Variants in MGAT4C observed in about 807,000 individuals in gnomAD.
The protein encoded by MGAT4C is MGAT4 family member C.
Under a neutral mutation model 40.1 loss-of-function variants are expected in MGAT4C, and 19 were observed. That is an observed-to-expected ratio of 0.47 (90% CI 0.33 to 0.70). MGAT4C has a LOEUF of 0.70. Ranked by LOEUF, MGAT4C falls within the 30% of genes least tolerant of loss-of-function variation. The pLI is 0.02. For synonymous variants in MGAT4C, 181 were observed against 187.1 expected (o/e 0.97, Z 0.27); for missense variants, 491 against 563.2 (o/e 0.87, Z 1.30).
intron 1 of MGAT4C, among the ~76,000 whole-genome samples, chr12:86,779,358 G>A (rs1016507723): frequency 2.6e-4 from 40 of 152,036 alleles, no homozygotes; most frequent in African/African-American, 9.4e-4. Context: ...ATTTTGGGAG[G>A]CCAACGTGGG....
intron 1 of MGAT4C, among the ~76,000 whole-genome samples, chr12:86,769,027 T>TTAA (rs1951573937): frequency 6.6e-6 from 1 of 151,426 alleles, no homozygotes; most frequent in African/African-American, 2.4e-5. Context: ...TGGGATCTAA[T>TTAA]TAAACGAAAG....
chr12:86,114,025 G>T (rs1298394109), intron 1 of MGAT4C, among the ~76,000 whole-genome samples: 1 of 151,784 alleles, frequency 6.6e-6, no homozygotes, highest in Non-Finnish European at 1.5e-5. Flanking sequence ...AAGATTGTGA[G>T]TTCTCTATAT....
chr12:86,465,054 T>C (rs1957660108), intron 2 of MGAT4C, among the ~76,000 whole-genome samples: 1 of 152,124 alleles, frequency 6.6e-6, no homozygotes, highest in South Asian at 2.1e-4. Flanking sequence ...AGAAGTCAAG[T>C]AGCTAGTAAA....
At chr12:86,252,528 T>C (rs1412064288) in intron 1 of MGAT4C, among the ~76,000 whole-genome samples, 2 of 151,938 alleles carry the variant, frequency 1.3e-5, no homozygotes, top group Non-Finnish European at 2.9e-5. Context: ...AATCACTGAG[T>C]ATCTGTAAAT....
chr12:86,232,122 G>A (rs1429157558), intron 1 of MGAT4C, among the ~76,000 whole-genome samples: 5 of 136,202 alleles, frequency 3.7e-5, no homozygotes, highest in South Asian at 2.7e-4. Context: ...GCGACAGAGC[G>A]AGACTCTCTT....
In MGAT4C at chr12:85,976,366, G is replaced by A. The variant is rs1029263540; in HGVS notation, c.*2923C>T. The A allele has an allele frequency of 6.6e-6, 1 of 150,782 alleles. No individual in the cohort carries two copies. The highest frequency in any genetic ancestry group is 2.4e-5 in the African/African-American group (1 of 41,278). 9.3% of individuals were successfully genotyped at this position (150,782 alleles called of 1,614,324 possible). Reference sequence around the variant, plus strand: ...ATGTATCTTTTATATTGACATTTGTGATTGCCACTAAAATGTGTATTTTCT... The same window carrying A: ...ATGTATCTTTTATATTGACATTTGTAATTGCCACTAAAATGTGTATTTTCT... On this transcript the variant is annotated 3_prime_UTR_variant, in exon 5 of 5. Coordinates refer to ENST00000611864, the MANE Select transcript of MGAT4C (RefSeq NM_001351288.2).
intron 1 of MGAT4C, among the ~76,000 whole-genome samples, chr12:86,217,964 T>A (rs1482502008): frequency 6.6e-6 from 1 of 152,098 alleles, no homozygotes; most frequent in Non-Finnish European, 1.5e-5. Flanking sequence ...ATAAGCAGAT[T>A]ATCTATAAAT....
intron 1 of MGAT4C, among the ~76,000 whole-genome samples, chr12:86,798,435 G>A (rs1030159246): frequency 5.3e-5 from 8 of 151,652 alleles, no homozygotes; most frequent in Admixed American, 1.3e-4. Flanking sequence ...TCATGTCCCC[G>A]CCCTGCACAT....
chr12:86,698,682 G>T (rs1054533480), intron 2 of MGAT4C, among the ~76,000 whole-genome samples: 3 of 152,048 alleles, frequency 2.0e-5, no homozygotes, highest in Non-Finnish European at 4.4e-5. Context: ...GAGCTGTGGG[G>T]GGGGTGGGTA....
At chr12:86,679,119 A>G (rs1247227701) in intron 2 of MGAT4C, among the ~76,000 whole-genome samples, 1 of 152,138 alleles carries the variant, frequency 6.6e-6, no homozygotes, top group Non-Finnish European at 1.5e-5. Flanking sequence ...AATGATCGCC[A>G]TTCTAACTGG....
chr12:86,663,353 C>CAAAAAAAAAAA (rs58562873), intron 2 of MGAT4C, among the ~76,000 whole-genome samples: 1 of 44,796 alleles, frequency 2.2e-5, no homozygotes, highest in African/African-American at 8.5e-5. Flanking sequence ...TCCTCTGTCT[C>CAAAAAAAAAAA]AAAAAAAAAA....
chr12:86,048,112 T>C (rs1238709863), intron 2 of MGAT4C, among the ~76,000 whole-genome samples: 1 of 152,074 alleles, frequency 6.6e-6, no homozygotes, highest in Non-Finnish European at 1.5e-5. Context: ...TTAACACAAA[T>C]GGAATACTCT....
intron 2 of MGAT4C, among the ~76,000 whole-genome samples, chr12:86,442,194 T>G (rs1957243674): frequency 6.6e-6 from 1 of 152,236 alleles, no homozygotes; most frequent in Admixed American, 6.5e-5. Flanking sequence ...TGGGATTGTT[T>G]GATTTTTTCT....
In MGAT4C at chr12:86,771,602, T is replaced by C. The variant is rs925215536; in HGVS notation, c.-261-44361A>G. ...GTGGTTGATGCCTGTAATCCCAGACTTTGGGAGGCCAAGGTGGGAGGATTA... is the reference window on the plus strand; with the variant it reads ...GTGGTTGATGCCTGTAATCCCAGACCTTGGGAGGCCAAGGTGGGAGGATTA... On this transcript the variant is annotated intron_variant, in intron 1 of 7. Transcript: ENST00000548651. Among the ~76,000 whole-genome samples the C allele has an allele frequency of 5.9e-5, 9 of 152,160 alleles. No individual in the cohort carries two copies. In the East Asian group the frequency reaches 1.7e-3, roughly 29 times the overall value.
intron 2 of MGAT4C, among the ~76,000 whole-genome samples, chr12:86,463,038 G>A (rs1957625770): frequency 6.6e-6 from 1 of 151,946 alleles, no homozygotes; most frequent in Non-Finnish European, 1.5e-5. Context: ...CTGGGTCTGT[G>A]GTATTTCCAT....
chr12:86,663,211 T>A (rs1187181174), intron 2 of MGAT4C, among the ~76,000 whole-genome samples: 1 of 150,414 alleles, frequency 6.6e-6, no homozygotes, highest in African/African-American at 2.4e-5. Flanking sequence ...ATACGAAAAA[T>A]TAGTTGGACA....
chr12:86,737,386 C>T (rs1951003947), intron 1 of MGAT4C, among the ~76,000 whole-genome samples: 1 of 142,730 alleles, frequency 7.0e-6, no homozygotes, highest in South Asian at 2.2e-4. Context: ...CCTAATAACA[C>T]ACGGGCCTGG....
At chr12:86,297,450 ATAT>A (rs981144189) in intron 4 of MGAT4C, among the ~76,000 whole-genome samples, 2 of 152,224 alleles carry the variant, frequency 1.3e-5, no homozygotes, top group Non-Finnish European at 2.9e-5. Context: ...TTTACCTTAC[ATAT>A]TATTTTATTT....
At chr12:86,299,146 C>T (rs527297375) in intron 4 of MGAT4C, among the ~76,000 whole-genome samples, 5 of 152,180 alleles carry the variant, frequency 3.3e-5, no homozygotes, top group African/African-American at 9.6e-5. Flanking sequence ...AGACGAATCT[C>T]GCTCTGTCGC....
Sources: gnomAD v4.1 joint callset for allele counts (sites outside exome capture counted in the v4.1 genomes callset) on GRCh38, gnomAD v4.1.1 for gene constraint, MANE v1.5 for transcripts, NCBI Gene and HGNC (gene_info 2026-07-23, HGNC 2026-07-21) for gene names.